PDE3B: variants seen among roughly 807,000 people sequenced by gnomAD.
PDE3B encodes the protein cGMP-inhibited 3',5'-cyclic phosphodiesterase 3B.
Under a neutral mutation model 116.8 loss-of-function variants are expected in PDE3B, and 66 were observed. The observed-to-expected ratio is 0.56, with a 90% CI of 0.46 to 0.69. The LOEUF (loss-of-function observed/expected upper bound fraction) is 0.69. Among genes scored for constraint, PDE3B ranks in the 30% least tolerant of loss-of-function variants. The pLI is 0.00. For synonymous variants in PDE3B, 595 were observed against 533.6 expected (o/e 1.12, Z -1.59); for missense variants, 1,384 against 1,368.1 (o/e 1.01, Z -0.18).
rs762044390 is a variant in PDE3B at position 14,667,792 on chromosome 11, A to G, written c.978+22739A>G. Among the ~76,000 whole-genome samples, 49 of 151,504 alleles carry G rather than the reference A, an allele frequency of 3.2e-4. 1 individual carries two copies. Among genetic ancestry groups the G allele is most frequent in the African/African-American group, 4.6e-4 (19 of 41,310 alleles). On this transcript the variant is annotated intron_variant, in intron 1 of 15. Coordinates refer to ENST00000282096, the MANE Select transcript of PDE3B (RefSeq NM_000922.4). ...AACATGGCACATATATACATATGTA[A>G]CAAACTTGCACGTTGTGCACATGTA...
chr11:14,809,420 T>G (rs1859056574), intron 5 of PDE3B, among the ~76,000 whole-genome samples: 1 of 152,234 alleles, frequency 6.6e-6, no homozygotes, highest in Non-Finnish European at 1.5e-5. Flanking sequence ...TGGAGTAGTA[T>G]TCATATGCCA....
the PDE3B span, chr11:14,880,766 A>C: frequency 6.2e-7 from 1 of 1,606,022 alleles, no homozygotes; most frequent in Non-Finnish European, 8.5e-7. Context: ...GAATTGAGTA[A>C]GCCTGAAAAA....
intron 4 of PDE3B, among the ~76,000 whole-genome samples, chr11:14,796,328 T>C (rs547173074): frequency 7.3e-4 from 111 of 151,882 alleles, no homozygotes; most frequent in African/African-American, 2.6e-3. Context: ...TAGCAATAAA[T>C]ATACATGTGC....
At chr11:14,814,159 A>G (rs562221998) in intron 5 of PDE3B, among the ~76,000 whole-genome samples, 90 of 152,318 alleles carry the variant, frequency 5.9e-4, no homozygotes, top group South Asian at 1.9e-3. Flanking sequence ...CAAACATAAT[A>G]CATAATGAAA....
chr11:14,676,679 G>A (rs879473214), intron 1 of PDE3B, among the ~76,000 whole-genome samples: 19 of 152,092 alleles, frequency 1.2e-4, no homozygotes, highest in Admixed American at 5.2e-4. Flanking sequence ...ACAATGTCAT[G>A]ACAGCTGCAA....
intron 1 of PDE3B, among the ~76,000 whole-genome samples, chr11:14,758,457 G>A (rs1215742350): frequency 1.4e-5 from 2 of 146,214 alleles, no homozygotes; most frequent in African/African-American, 5.2e-5. Flanking sequence ...TCTTCCATTT[G>A]TTTGTATCCT....
At chr11:14,848,962 T>C (rs1347531119) in intron 12 of PDE3B, among the ~76,000 whole-genome samples, 1 of 152,184 alleles carries the variant, frequency 6.6e-6, no homozygotes, top group Non-Finnish European at 1.5e-5. Flanking sequence ...CCAATGACTT[T>C]CTTCCCAGAA....
intron 5 of PDE3B, among the ~76,000 whole-genome samples, chr11:14,810,501 C>T (rs1000856463): frequency 1.9e-4 from 29 of 152,168 alleles, no homozygotes; most frequent in Non-Finnish European, 3.8e-4. Context: ...ATGAACTCAT[C>T]CTTTTTTATG....
intron 1 of PDE3B, among the ~76,000 whole-genome samples, chr11:14,750,964 G>C (rs1337844920): frequency 6.6e-6 from 1 of 152,108 alleles, no homozygotes; most frequent in Non-Finnish European, 1.5e-5. Context: ...GAATCACTCT[G>C]TTAGTGTGTT....
At chr11:14,802,408 C>T (rs1228779530) in intron 4 of PDE3B, among the ~76,000 whole-genome samples, 1 of 152,156 alleles carries the variant, frequency 6.6e-6, no homozygotes, top group Non-Finnish European at 1.5e-5. Context: ...GGAGAAAATT[C>T]CCCAACCTCT....
intron 1 of PDE3B, among the ~76,000 whole-genome samples, chr11:14,670,908 C>T (rs941875464): frequency 2.0e-5 from 3 of 151,742 alleles, no homozygotes; most frequent in Non-Finnish European, 4.4e-5. Flanking sequence ...AGAGTCTCAC[C>T]ATGTTCCCCA....
rs577414179 is a variant in PDE3B at position 14,663,469 on chromosome 11, A to C, written c.978+18416A>C. Among the ~76,000 whole-genome samples, 1,003 of 152,306 alleles carry C rather than the reference A, an allele frequency of 6.6e-3. 6 individuals carry two copies. Among genetic ancestry groups the C allele is most frequent in the Middle Eastern group, 0.014 (4 of 294 alleles). On this transcript the variant is annotated intron_variant, in intron 1 of 15. Transcript: ENST00000282096. ...ATTCACACATAACAATATTAACTTTAAATGTAAATGGGCTAAATGCTCCAA... is the reference window on the plus strand; with the variant it reads ...ATTCACACATAACAATATTAACTTTCAATGTAAATGGGCTAAATGCTCCAA...
rs934898038 is a variant in PDE3B, at chr11:14,677,522, AT to A, written c.978+32477del. On this transcript the variant is annotated intron_variant, in intron 1 of 15. Coordinates refer to ENST00000282096, the MANE Select transcript of PDE3B (RefSeq NM_000922.4). ...CTCGAATCTTAAGTATTTACCTTTT[AT>A]TTTTTTTAATTTAAAATAAAAAATT... Among the ~76,000 whole-genome samples, 91 of 151,734 alleles carry A rather than the reference AT, an allele frequency of 6.0e-4. 1 individual carries two copies. The highest frequency in any genetic ancestry group is 2.1e-3 in the African/African-American group (86 of 41,220).
the PDE3B span, among the ~76,000 whole-genome samples, chr11:14,885,124 T>TC: frequency 6.6e-6 from 1 of 152,202 alleles, no homozygotes; most frequent in South Asian, 2.1e-4. Context: ...AATGTGAAAC[T>TC]CAGAGAATTT....
chr11:14,674,390 ACTCAT>A (rs1854468706), intron 1 of PDE3B: 1 of 689,408 alleles, frequency 1.5e-6, no homozygotes, highest in Non-Finnish European at 2.7e-6. Flanking sequence ...TCTGGAACCC[ACTCAT>A]CCCAATTTTT....
intron 1 of PDE3B, among the ~76,000 whole-genome samples, chr11:14,750,673 A>G (rs369364795): frequency 2.0e-4 from 31 of 151,732 alleles, no homozygotes; most frequent in Middle Eastern, 6.8e-3. Flanking sequence ...TTTTAAGAAT[A>G]TTATTTTGAA....
chr11:14,855,939 T>G (rs1459202452), intron 12 of PDE3B, among the ~76,000 whole-genome samples: 6 of 152,030 alleles, frequency 3.9e-5, no homozygotes, highest in African/African-American at 9.7e-5. Context: ...AGAAGAAGGG[T>G]GGTAACTAAG....
intron 1 of PDE3B, among the ~76,000 whole-genome samples, chr11:14,680,153 G>A (rs770589996): frequency 4.6e-5 from 7 of 152,140 alleles, no homozygotes; most frequent in Admixed American, 2.0e-4. Flanking sequence ...GGGATCCTTT[G>A]GACCTCAACC....
At chr11:14,797,991 G>T (rs568981156) in intron 4 of PDE3B, among the ~76,000 whole-genome samples, 1 of 152,192 alleles carries the variant, frequency 6.6e-6, no homozygotes, top group African/African-American at 2.4e-5. Flanking sequence ...GTGAGGGAGG[G>T]CATCCTTGTC....
Sources: allele counts gnomAD v4.1 joint callset (sites outside exome capture counted in the v4.1 genomes callset), GRCh38; gene constraint gnomAD v4.1.1; transcripts MANE v1.5; gene names NCBI Gene and HGNC (gene_info 2026-07-23, HGNC 2026-07-21).